HMCN2: variants seen among roughly 807,000 people sequenced by gnomAD.
HMCN2 encodes the protein hemicentin 2, also known as hemicentin-2.
In HMCN2, 325 loss-of-function variants were observed where a neutral mutation model predicts 377.5. The ratio of observed to expected loss-of-function variants is 0.86; its 90% CI spans 0.79 to 0.94. The LOEUF is 0.94. Ranked by LOEUF, HMCN2 falls within the 40% of genes least tolerant of loss-of-function variation. HMCN2 has a pLI of 0.00. For synonymous variants in HMCN2, 2,007 were observed against 2,046.8 expected, an observed-to-expected ratio of 0.98 and a Z score of 0.53; for missense variants, 4,543 against 4,725.3, an observed-to-expected ratio of 0.96 and a Z score of 1.13.
intron 44 of HMCN2, among the ~76,000 whole-genome samples, chr9:130,368,783 A>G (rs188735958): frequency 7.2e-5 from 11 of 152,110 alleles, no homozygotes; most frequent in Non-Finnish European, 1.0e-4. Context: ...TTATCAAACA[A>G]CCAGATCTCC....
intron 62 of HMCN2, among the ~76,000 whole-genome samples, chr9:130,390,750 A>G (rs1481967900): frequency 6.6e-6 from 1 of 151,938 alleles, no homozygotes; most frequent in Non-Finnish European, 1.5e-5. Context: ...GAGGGAGAGG[A>G]TGGGAGCTGA....
At position 130,433,954 on chromosome 9, in the gene HMCN2, T is replaced by G; in HGVS notation, c.*261T>G. 4 of 393,984 alleles carry G rather than the reference T, an allele frequency of 1.0e-5. No individual in the cohort carries two copies. The highest frequency in any genetic ancestry group is 1.3e-5 in the Non-Finnish European group (3 of 223,724). The allele number at this position is 393,984 out of a possible 1,614,324, so 24.4% of individuals were successfully genotyped here. A position where few individuals can be genotyped will look rare whatever the true frequency, so the allele number is the denominator to read the frequency against. ...GGCCCGGGGAAGCCCGGATCAGACCTCCAGGTCTGATCCGCCCCTCAGTGG... is the reference window on the plus strand; with the variant it reads ...GGCCCGGGGAAGCCCGGATCAGACCGCCAGGTCTGATCCGCCCCTCAGTGG... On this transcript the variant is annotated 3_prime_UTR_variant, in exon 98 of 98. Transcript: ENST00000683500.
At chr9:130,317,471 C>CTT (rs1434108752) in intron 15 of HMCN2, among the ~76,000 whole-genome samples, 1 of 14,948 alleles carries the variant, frequency 6.7e-5, no homozygotes, top group Non-Finnish European at 2.1e-4. Context: ...CCCACCATCT[C>CTT]TCTCTCTCTC....
At chr9:130,292,662 CA>C (rs1484149950) in intron 4 of HMCN2, among the ~76,000 whole-genome samples, 1 of 152,148 alleles carries the variant, frequency 6.6e-6, no homozygotes, top group Non-Finnish European at 1.5e-5. Context: ...TTCAATTGAG[CA>C]CAGTTATTAT....
In HMCN2 at chr9:130,423,652, C is replaced by T. The variant is rs1368462253; in HGVS notation, c.13381+926C>T. 1.3e-5 allele frequency among the ~76,000 whole-genome samples: 2 copies of T among 152,168 alleles called. No homozygotes were observed. Among genetic ancestry groups the T allele is most frequent in the Admixed American group, 6.5e-5 (1 of 15,292 alleles). ...CCTGTGAACCTTGCAAAGCTGGCACCGTCCCTGACTCAGAGCAAGTGGGGA... is the reference window on the plus strand; with the variant it reads ...CCTGTGAACCTTGCAAAGCTGGCACTGTCCCTGACTCAGAGCAAGTGGGGA... On this transcript the variant is annotated intron_variant, in intron 87 of 97. Transcript: ENST00000683500. The surrounding 1 kb of genome is among the most constrained non-coding windows in gnomAD (Gnocchi z 5.5).
intron 85 of HMCN2, 60 bp downstream of exon 85, chr9:130,410,712 G>C: frequency 6.9e-7 from 1 of 1,441,442 alleles, no homozygotes. Flanking sequence ...CAGCGGTGGC[G>C]TGTGCAGCCT....
intron 8 of HMCN2, among the ~76,000 whole-genome samples, chr9:130,300,830 G>A (rs969211937): frequency 1.3e-5 from 2 of 152,190 alleles, no homozygotes; most frequent in Admixed American, 6.5e-5. Flanking sequence ...GGAGAAGGGT[G>A]GATCTTTGGC....
Position 130,423,605 on chromosome 9 carries a change from A to G in HMCN2, c.13381+879A>G, listed in dbSNP as rs542890230. Among the ~76,000 whole-genome samples the G allele has an allele frequency of 3.9e-5, 6 of 152,182 alleles. No homozygotes were observed. The highest frequency in any genetic ancestry group is 8.8e-5 in the Non-Finnish European group (6 of 68,032). On this transcript the variant is annotated intron_variant, in intron 87 of 97. Coordinates refer to ENST00000683500, the MANE Select transcript of HMCN2 (RefSeq NM_001291815.2). This position sits in a 1 kb window ranked among gnomAD's most constrained non-coding sequence, Gnocchi z 5.5. Reference sequence around the variant, plus strand: ...CAGAGAGGCTGGGAAGGTGGTGCCCATGCACAGGGGCCTGGCCAGCTCCTG... The same window carrying G: ...CAGAGAGGCTGGGAAGGTGGTGCCCGTGCACAGGGGCCTGGCCAGCTCCTG...
rs540942742 is a variant in HMCN2 at position 130,308,634 on chromosome 9, A to C, written c.2200+1068A>C. Reference sequence around the variant, plus strand: ...AGAGTTGAGCGTTTTTTTTAGGGTCACCAGCAAGTGGGTGGCACAGGCTTC... The same window carrying C: ...AGAGTTGAGCGTTTTTTTTAGGGTCCCCAGCAAGTGGGTGGCACAGGCTTC... On this transcript the variant is annotated intron_variant, in intron 14 of 97. Coordinates refer to ENST00000683500, the MANE Select transcript of HMCN2 (RefSeq NM_001291815.2). The surrounding 1 kb of genome is among the most constrained non-coding windows in gnomAD (Gnocchi z 4.1). Among the ~76,000 whole-genome samples the C allele has an allele frequency of 6.6e-6, 1 of 152,236 alleles. No individual in the cohort carries two copies. The highest frequency in any genetic ancestry group is 2.1e-4 in the South Asian group (1 of 4,822).
At chr9:130,278,169 G>A (rs182731162) in intron 1 of HMCN2, among the ~76,000 whole-genome samples, 633 of 152,240 alleles carry the variant, frequency 4.2e-3, no homozygotes, top group Admixed American at 0.011. Context: ...CTGTCACCCA[G>A]GGTGGAGTGC....
Position 130,266,118 on chromosome 9 carries a change from G to T in HMCN2, c.240G>T (p.Leu80=). 1 of 468,172 alleles carries T rather than the reference G, an allele frequency of 2.1e-6. No individual in the cohort carries two copies. The allele number at this position is 468,172 out of a possible 1,614,324, so 29.0% of individuals were successfully genotyped here. Residue 80 remains leucine (L), a synonymous_variant, in exon 1 of 98, where the codon CTG becomes CTT. Coordinates refer to ENST00000683500, the MANE Select transcript of HMCN2 (RefSeq NM_001291815.2). ...RRSQAIANYA[L]VPFHDPDIGP... is the part of the protein sequence containing the mutation. ...GCCAGGCCATCGCCAACTACGCGCT[G>T]GTGCCCTTCCACGACCCAGGTAGCG...
rs572893154 is a variant in HMCN2, at chr9:130,287,838, G to A, written c.612+1528G>A. On this transcript the variant is annotated intron_variant, in intron 4 of 97. Transcript: ENST00000683500. ...AGGAGAGAGAGGCAGGGTGTCTGAGGCTGGCCATGGCCTTGAGCCAGTCCT... is the reference window on the plus strand; with the variant it reads ...AGGAGAGAGAGGCAGGGTGTCTGAGACTGGCCATGGCCTTGAGCCAGTCCT... Among the ~76,000 whole-genome samples, 8 of 152,322 alleles carry A rather than the reference G, an allele frequency of 5.3e-5. No homozygotes were observed. In the East Asian group the frequency reaches 1.5e-3, roughly 29 times the overall value.
intron 74 of HMCN2, among the ~76,000 whole-genome samples, chr9:130,398,153 C>CAAAAAAAAAAAAAAA (rs397940740): frequency 8.8e-5 from 3 of 33,938 alleles, no homozygotes; most frequent in African/African-American, 1.1e-4. Context: ...ACTCCGTCTA[C>CAAAAAAAAAAAAAAA]AAAAAAAAAA....
rs188891029 is a variant in HMCN2 at position 130,401,157 on chromosome 9, C to T, written c.11770+210C>T. Reference sequence around the variant, plus strand: ...AGTGTTGAGACCCATCAGTGGTTCCCCAAGGCCCTCTGGCATACAAGTGCT... The same window carrying T: ...AGTGTTGAGACCCATCAGTGGTTCCTCAAGGCCCTCTGGCATACAAGTGCT... On this transcript the variant is annotated intron_variant, in intron 77 of 97. Coordinates refer to ENST00000683500, the MANE Select transcript of HMCN2 (RefSeq NM_001291815.2). Among the ~76,000 whole-genome samples, 6 of 152,262 alleles carry T rather than the reference C, an allele frequency of 3.9e-5. No individual in the cohort carries two copies. In the East Asian group the frequency reaches 9.6e-4, roughly 24 times the overall value.
chr9:130,409,936 C>A (rs1043274663), intron 84 of HMCN2, among the ~76,000 whole-genome samples: 3 of 152,204 alleles, frequency 2.0e-5, no homozygotes, highest in African/African-American at 7.2e-5. Flanking sequence ...GATGGTGGCG[C>A]TGCCACTCAG....
chr9:130,408,288 T>G (rs1843212126), intron 83 of HMCN2, among the ~76,000 whole-genome samples: 1 of 152,210 alleles, frequency 6.6e-6, no homozygotes, highest in South Asian at 2.1e-4. Flanking sequence ...TCGAAGAGTG[T>G]TTTGAGATTA....
Position 130,398,538 on chromosome 9 carries a change from G to A in HMCN2, c.11327-13G>A, listed in dbSNP as rs1307913520. The A allele has an allele frequency of 1.7e-6, 2 of 1,205,056 alleles. No homozygotes were observed. The highest frequency in any genetic ancestry group is 2.1e-6 in the Non-Finnish European group (2 of 940,496). 74.6% of individuals were successfully genotyped at this position (1,205,056 alleles called of 1,614,324 possible). ...CCCCTGCACCTGTCTCCTGACCACT[G>A]TGCTCTCCCCAGAGCCTCCAGCCAT... On this transcript the variant is annotated splice_polypyrimidine_tract_variant and intron_variant, in intron 74 of 97. Coordinates refer to ENST00000683500, the MANE Select transcript of HMCN2 (RefSeq NM_001291815.2).
intron 13 of HMCN2, 48 bp from the exon 14 acceptor site, chr9:130,307,405 A>G (rs782677249): frequency 4.3e-5 from 20 of 469,458 alleles, no homozygotes; most frequent in South Asian, 3.1e-4. Flanking sequence ...GACTTTCTTT[A>G]TGACCTTTGA....
In HMCN2 at chr9:130,422,678, G is replaced by A. The variant is rs61741490; in HGVS notation, c.13333G>A (p.Gly4445Arg). 777 of 1,305,236 alleles carry A rather than the reference G, an allele frequency of 6.0e-4. 5 individuals carry two copies. In the African/African-American group the frequency reaches 0.011, roughly 18 times the overall value. 80.9% of individuals were successfully genotyped at this position (1,305,236 alleles called of 1,614,324 possible). A position where few individuals can be genotyped will look rare whatever the true frequency, so the allele number is the denominator to read the frequency against. ...NTSVMQEAHS[G>R]VSSIHSSIRH... is the part of the protein sequence containing the mutation. ...CAGCGTGATGCAGGAGGCACACTCC[G>A]GGGTCAGCAGCATCCACAGCAGCAT... Residue 4445 changes from glycine (G) to arginine (R), a missense_variant, in exon 87 of 98, where the codon GGG becomes AGG. Physicochemically the swap from Gly to Arg is moderately radical, Grantham distance 125. Transcript: ENST00000683500. The surrounding 1 kb of genome is among the most constrained non-coding windows in gnomAD (Gnocchi z 4.2).
Sources: allele counts gnomAD v4.1 joint callset (sites outside exome capture counted in the v4.1 genomes callset), GRCh38; gene constraint gnomAD v4.1.1; non-coding constraint Gnocchi (gnomAD v3.1); transcripts MANE v1.5; gene names NCBI Gene and HGNC (gene_info 2026-07-23, HGNC 2026-07-21).